Variants in GSG1L2 observed in about 807,000 individuals in gnomAD.
GSG1L2 encodes germ cell-specific gene 1-like protein 2.
GSG1L2 carries 15 observed loss-of-function variants against 9.0 expected under a neutral mutation model. The observed-to-expected ratio is 1.67, with a 90% CI of 1.12 to 2.57. The LOEUF is 2.57. Ranked by LOEUF, GSG1L2 falls within the 30% of genes most tolerant of loss-of-function variation. GSG1L2 has a pLI of 0.00. For synonymous variants in GSG1L2, 127 were observed against 57.9 expected, an observed-to-expected ratio of 2.19 and a Z score of -5.41; for missense variants, 286 against 150.3, an observed-to-expected ratio of 1.90 and a Z score of -4.72.
chr17:9,801,690 C>G lies in GSG1L2; in HGVS notation c.*696G>C, dbSNP rs1016641054. Among the ~76,000 whole-genome samples the G allele has an allele frequency of 2.0e-5, 3 of 152,172 alleles. No individual in the cohort carries two copies. Among genetic ancestry groups the G allele is most frequent in the Non-Finnish European group, 4.4e-5 (3 of 68,030 alleles). On this transcript the variant is annotated 3_prime_UTR_variant, in exon 5 of 5. Transcript: ENST00000399363. ...GTTTGGTAATGTTTATTTTTAGAAG[C>G]AAAAGTGGCTGGCGATTTAATTTAA...
rs150504337 is a variant in GSG1L2, at chr17:9,816,476, C to CTGTG, written c.310+5282_310+5285dup. 6.3e-3 allele frequency among the ~76,000 whole-genome samples: 855 copies of CTGTG among 135,902 alleles called. 8 individuals carry two copies. The highest frequency in any genetic ancestry group is 0.021 in the African/African-American group (764 of 35,648). 89.2% of individuals were successfully genotyped at this position (135,902 alleles called of 152,430 possible). On this transcript the variant is annotated intron_variant, in intron 1 of 4. Transcript: ENST00000399363. ...TCTGTGTGTGCGTCCGTGTGCGTGT[C>CTGTG]TGTGTGTGTGCATGTGTCTGTGTGT...
At position 9,820,239 on chromosome 17, in the gene GSG1L2, C is replaced by T. The variant is rs17207850; in HGVS notation, c.310+1523G>A. Among the ~76,000 whole-genome samples, 4,498 of 152,218 alleles carry T rather than the reference C, an allele frequency of 0.03. 143 individuals carry two copies. Among genetic ancestry groups the T allele is most frequent in the East Asian group, 0.15 (799 of 5,168 alleles). Reference sequence around the variant, plus strand: ...GTGATACATTTGATAACTGGTGTGACGCCTATATAGAGCTGTGGAAACAGA... The same window carrying T: ...GTGATACATTTGATAACTGGTGTGATGCCTATATAGAGCTGTGGAAACAGA... On this transcript the variant is annotated intron_variant, in intron 1 of 4. Coordinates refer to ENST00000399363, the MANE Select transcript of GSG1L2 (RefSeq NM_001310219.2). This position sits in a 1 kb window ranked among gnomAD's most constrained non-coding sequence, Gnocchi z 4.9.
At chr17:9,804,704 A>T (rs1197133096) in intron 4 of GSG1L2, 1 of 152,230 alleles carries the variant, frequency 6.6e-6, no homozygotes, top group African/African-American at 2.4e-5. Context: ...ACATGCCAAA[A>T]CAACAACAAA....
Position 9,807,537 on chromosome 17 carries a change from TC to T in GSG1L2, c.575del (p.Gly192AspfsTer34), listed in dbSNP as rs1171260225. 7.1e-6 allele frequency: 5 copies of T among 702,996 alleles called. No homozygotes were observed. The highest frequency in any genetic ancestry group is 1.0e-5 in the Non-Finnish European group (4 of 385,038). The allele number at this position is 702,996 out of a possible 1,614,324, so 43.5% of individuals were successfully genotyped here. A position where few individuals can be genotyped will look rare whatever the true frequency, so the allele number is the denominator to read the frequency against. The stretch of plus-strand genomic sequence containing the variant: ...AGGTCTGAGGCTTCCAATCTTCTGG[TC>T]CAAGGTTCACAGTGATTTGAAAAAT... ...TTIFQITVNL[G>X]PEDWKPQTWD... On this transcript the variant is annotated frameshift_variant, in exon 4 of 5. Transcript: ENST00000399363. LOFTEE classifies it low-confidence loss of function (END_TRUNC).
At position 9,800,639 on chromosome 17, in the gene GSG1L2, T is replaced by C. The variant is rs2066493136; in HGVS notation, c.*1747A>G. Among the ~76,000 whole-genome samples, 1 of 152,260 alleles carries C rather than the reference T, an allele frequency of 6.6e-6. No homozygotes were observed. Among genetic ancestry groups the C allele is most frequent in the Admixed American group, 6.5e-5 (1 of 15,286 alleles). On this transcript the variant is annotated 3_prime_UTR_variant, in exon 5 of 5. Coordinates refer to ENST00000399363, the MANE Select transcript of GSG1L2 (RefSeq NM_001310219.2). ...TTAAAAGTTTATTTCTTCTTTGGCA[T>C]CCTCAGCCACAGTGTTCACAGGTGT...
At chr17:9,809,095 T>A (rs1163726763) in intron 2 of GSG1L2, 113 bp from the exon 3 acceptor site, 1 of 639,040 alleles carries the variant, frequency 1.6e-6, no homozygotes. Context: ...ACAGACACGC[T>A]GGAGTGAAAA....
intron 1 of GSG1L2, among the ~76,000 whole-genome samples, chr17:9,811,465 T>C (rs1444371435): frequency 4.6e-5 from 7 of 152,212 alleles, no homozygotes; most frequent in Non-Finnish European, 2.9e-5. Flanking sequence ...CAGCCTTACA[T>C]ATGCAGTTCC....
chr17:9,819,542 G>T (rs2066580697), intron 1 of GSG1L2, among the ~76,000 whole-genome samples: 1 of 152,172 alleles, frequency 6.6e-6, no homozygotes, highest in South Asian at 2.1e-4. Context: ...GAGAAGAAAG[G>T]GGCAAGGGAG....
intron 1 of GSG1L2, among the ~76,000 whole-genome samples, chr17:9,818,393 G>C (rs1165157036): frequency 6.6e-6 from 1 of 151,934 alleles, no homozygotes; most frequent in African/African-American, 2.4e-5. Context: ...GAGTGTAATG[G>C]TGCGATCTCG....
At position 9,816,823 on chromosome 17, in the gene GSG1L2, T is replaced by C. The variant is rs903208318; in HGVS notation, c.310+4939A>G. Among the ~76,000 whole-genome samples the C allele has an allele frequency of 2.7e-5, 4 of 150,310 alleles. No homozygotes were observed. In the South Asian group the frequency reaches 6.5e-4, roughly 24 times the overall value. On this transcript the variant is annotated intron_variant, in intron 1 of 4. Transcript: ENST00000399363. ...TGTATGTGTGTCTGTTGTATCTGTG[T>C]GTGTCTGTGTATCTGTGTGTGTTTC...
chr17:9,819,222 C>T (rs964036278), intron 1 of GSG1L2, among the ~76,000 whole-genome samples: 1 of 152,178 alleles, frequency 6.6e-6, no homozygotes, highest in East Asian at 1.9e-4. Flanking sequence ...AAGCTGAACA[C>T]AGCAATAAAC....
intron 4 of GSG1L2, 131 bp from the exon 5 acceptor site, chr17:9,802,775 G>A (rs1312529107): frequency 1.1e-5 from 7 of 610,300 alleles, no homozygotes; most frequent in Non-Finnish European, 2.0e-5. Flanking sequence ...CCTGCATTTT[G>A]GATCACAAAT....
chr17:9,815,408 G>A (rs1054703183), intron 1 of GSG1L2, among the ~76,000 whole-genome samples: 1 of 152,044 alleles, frequency 6.6e-6, no homozygotes, highest in Non-Finnish European at 1.5e-5. Flanking sequence ...TGTCTCTATT[G>A]TTCTAGGTCA....
Position 9,822,017 on chromosome 17 carries a change from G to A in GSG1L2, c.55C>T (p.Leu19Phe), listed in dbSNP as rs1204518147. 1 of 702,882 alleles carries A rather than the reference G, an allele frequency of 1.4e-6. No homozygotes were observed. The highest frequency in any genetic ancestry group is 2.0e-5 in the Admixed American group (1 of 50,008). The allele number at this position is 702,882 out of a possible 1,614,324, so 43.5% of individuals were successfully genotyped here. Residue 19 changes from leucine (L) to phenylalanine (F), a missense_variant, in exon 1 of 5, where the codon CTC (leucine) becomes TTC (phenylalanine). Physicochemically the swap from Leu to Phe is conservative, Grantham distance 22 (BLOSUM62 0). Transcript: ENST00000399363. ...ALLLLPVCLA[L>F]TFSLTAVVSS... ...ACCACGGCGGTGAGGGAGAAGGTGA[G>A]GGCGAGGCAGACAGGGAGGAGGAGC... is the stretch of plus-strand genomic sequence containing the variant.
At chr17:9,807,332 G>A (rs2066519606) in intron 4 of GSG1L2, 158 bp downstream of exon 4, 3 of 603,812 alleles carry the variant, frequency 5.0e-6, no homozygotes, top group Non-Finnish European at 6.0e-6. Context: ...ATCGATGAGG[G>A]AATTGGGCTA....
Position 9,802,640 on chromosome 17 carries a change from C to T in GSG1L2, c.628G>A (p.Ala210Thr). 1 of 702,768 alleles carries T rather than the reference C, an allele frequency of 1.4e-6. No homozygotes were observed. Among genetic ancestry groups the T allele is most frequent in the Non-Finnish European group, 2.6e-6 (1 of 384,914 alleles). The allele number at this position is 702,768 out of a possible 1,614,324, so 43.5% of individuals were successfully genotyped here. A position where few individuals can be genotyped will look rare whatever the true frequency, so the allele number is the denominator to read the frequency against. Residue 210 changes from alanine (A) to threonine (T), a missense_variant, in exon 5 of 5, where the codon GCC becomes ACC. Physicochemically the swap from Ala to Thr is moderately conservative, Grantham distance 58. Coordinates refer to ENST00000399363, the MANE Select transcript of GSG1L2 (RefSeq NM_001310219.2). ...TWDYGWSYCL[A>T]WGSFALCLAV... Reference sequence around the variant, plus strand: ...AGGCAGAGGGCGAAAGAACCCCAGGCAAGGCTGTCAACAGAAGGCACCGTT... The same window carrying T: ...AGGCAGAGGGCGAAAGAACCCCAGGTAAGGCTGTCAACAGAAGGCACCGTT...
chr17:9,804,081 C>T (rs1453367866), intron 4 of GSG1L2: 7 of 152,218 alleles, frequency 4.6e-5, no homozygotes, highest in Non-Finnish European at 8.8e-5. Flanking sequence ...GGGATGTGTA[C>T]TAGTGTGAAC....
Position 9,822,003 on chromosome 17 carries a change from G to A in GSG1L2, c.69C>T (p.Leu23=). The A allele has an allele frequency of 2.8e-6, 2 of 703,116 alleles. No individual in the cohort carries two copies. The highest frequency in any genetic ancestry group is 3.0e-5 in the South Asian group (2 of 67,604). The allele number at this position is 703,116 out of a possible 1,614,324, so 43.6% of individuals were successfully genotyped here. A position where few individuals can be genotyped will look rare whatever the true frequency, so the allele number is the denominator to read the frequency against. The change falls in exon 1 of 5, where the codon CTC becomes CTT. Residue 23 remains leucine, a synonymous_variant. Transcript: ENST00000399363. Reference sequence around the variant, plus strand: ...ACCAGTGGCTGCTGACCACGGCGGTGAGGGAGAAGGTGAGGGCGAGGCAGA... The same window carrying A: ...ACCAGTGGCTGCTGACCACGGCGGTAAGGGAGAAGGTGAGGGCGAGGCAGA... ...LPVCLALTFS[L]TAVVSSHWCE...
At chr17:9,802,719 G>T in intron 4 of GSG1L2, 75 bp from the exon 5 acceptor site, 1 of 660,076 alleles carries the variant, frequency 1.5e-6, no homozygotes, top group Non-Finnish European at 2.7e-6. Context: ...CCAGACTGGG[G>T]GTCAATCTGG....
Sources: allele counts gnomAD v4.1 joint callset (sites outside exome capture counted in the v4.1 genomes callset), GRCh38; gene constraint gnomAD v4.1.1; non-coding constraint Gnocchi (gnomAD v3.1); transcripts MANE v1.5; gene names NCBI Gene and HGNC (gene_info 2026-07-23, HGNC 2026-07-21).